The following ANXA8 variants were observed in gnomAD, a reference collection of about 807,000 sequenced individuals.
ANXA8 encodes the protein VAC-beta.
ANXA8 carries 9 observed loss-of-function variants against 26.8 expected under a neutral mutation model. That is an observed-to-expected ratio of 0.34 (90% CI 0.20 to 0.59). The LOEUF (loss-of-function observed/expected upper bound fraction) is 0.59. Ranked by LOEUF, ANXA8 falls within the 20% of genes least tolerant of loss-of-function variation. The pLI, the probability that ANXA8 is intolerant of heterozygous loss-of-function variation, is 0.84. For synonymous variants in ANXA8, 39 were observed against 94.8 expected (o/e 0.41, Z 3.42); for missense variants, 83 against 238.5 (o/e 0.35, Z 4.29).
the ANXA8 span, chr10:47,563,470 A>G: frequency 1.7e-6 from 1 of 575,784 alleles, no homozygotes; most frequent in East Asian, 3.0e-5. Context: ...TTTTGGACAT[A>G]GCTTGGGTAT....
chr10:47,941,361 G>A, the ANXA8 span, among the ~76,000 whole-genome samples: 1 of 146,830 alleles, frequency 6.8e-6, no homozygotes, highest in Non-Finnish European at 1.5e-5. Context: ...CTTTATTAAA[G>A]CTGGCATTTT....
chr10:47,736,515 G>A, the ANXA8 span, among the ~76,000 whole-genome samples: 1 of 129,436 alleles, frequency 7.7e-6, no homozygotes. Context: ...TTCTCAGAAA[G>A]GTTATCCTGA....
At chr10:47,677,356 A>G in the ANXA8 span, among the ~76,000 whole-genome samples, 1 of 152,126 alleles carries the variant, frequency 6.6e-6, no homozygotes, top group Non-Finnish European at 1.5e-5. Context: ...AGAGGGATTA[A>G]CCGCTACGAG....
At chr10:47,619,753 T>A in the ANXA8 span, among the ~76,000 whole-genome samples, 1 of 113,186 alleles carries the variant, frequency 8.8e-6, no homozygotes, top group Non-Finnish European at 2.0e-5. Flanking sequence ...ATTATTAGAG[T>A]GATAAGGAAT....
At chr10:47,901,812 T>C in the ANXA8 span, among the ~76,000 whole-genome samples, 1 of 150,644 alleles carries the variant, frequency 6.6e-6, no homozygotes, top group Non-Finnish European at 1.5e-5. Context: ...ATATATTTAG[T>C]ATTATTATAA....
the ANXA8 span, among the ~76,000 whole-genome samples, chr10:47,712,800 TTTG>T: frequency 5.6e-4 from 1 of 1,792 alleles, no homozygotes; most frequent in South Asian, 0.015. Flanking sequence ...ACTTTTTTTT[TTTG>T]TTTGTTTGAG....
At chr10:47,683,651 A>G in the ANXA8 span, among the ~76,000 whole-genome samples, 4 of 151,982 alleles carry the variant, frequency 2.6e-5, no homozygotes, top group East Asian at 7.7e-4. Context: ...AAAGGATAGT[A>G]TAATGAACCC....
chr10:47,497,888 G>A, the ANXA8 span, among the ~76,000 whole-genome samples: 1,950 of 151,922 alleles, frequency 0.013, 17 homozygotes, highest in Middle Eastern at 0.065. Flanking sequence ...GCAGTGAGCC[G>A]AGACGGCGCC....
chr10:47,682,573 G>A, the ANXA8 span, among the ~76,000 whole-genome samples: 2 of 150,460 alleles, frequency 1.3e-5, no homozygotes, highest in Non-Finnish European at 2.9e-5. Flanking sequence ...GGGTTCAAGC[G>A]ATTCTCCTGC....
the ANXA8 span, among the ~76,000 whole-genome samples, chr10:47,920,249 T>G: frequency 2.9e-5 from 3 of 104,218 alleles, no homozygotes; most frequent in Admixed American, 3.1e-4. Flanking sequence ...TTTTTTTTTT[T>G]TTTTTGAGAC....
chr10:47,947,546 G>A, the ANXA8 span, among the ~76,000 whole-genome samples: 8 of 150,406 alleles, frequency 5.3e-5, no homozygotes, highest in Non-Finnish European at 1.2e-4. Context: ...GAGAGGCCTG[G>A]GGGGAGATGA....
chr10:47,581,859 C>A, the ANXA8 span, among the ~76,000 whole-genome samples: 1 of 150,518 alleles, frequency 6.6e-6, no homozygotes, highest in Admixed American at 6.6e-5. Context: ...CCTGCCTTGG[C>A]CTCCCAAAGT....
chr10:47,755,412 C>T, the ANXA8 span, among the ~76,000 whole-genome samples: 38 of 152,314 alleles, frequency 2.5e-4, no homozygotes, highest in African/African-American at 8.4e-4. Flanking sequence ...CCAGCCACCA[C>T]ACCCAGCTAA....
chr10:47,622,251 C>T, the ANXA8 span, among the ~76,000 whole-genome samples: 5 of 111,766 alleles, frequency 4.5e-5, no homozygotes, highest in African/African-American at 1.8e-4. Flanking sequence ...TGTAGACATG[C>T]TCACAGATGA....
At chr10:47,727,371 A>G in the ANXA8 span, among the ~76,000 whole-genome samples, 6 of 152,242 alleles carry the variant, frequency 3.9e-5, no homozygotes, top group Non-Finnish European at 5.9e-5. Context: ...TTTGTCAGGT[A>G]TTCAAACTCC....
the ANXA8 span, among the ~76,000 whole-genome samples, chr10:47,734,143 C>A: frequency 7.0e-6 from 1 of 142,880 alleles, no homozygotes; most frequent in South Asian, 2.2e-4. Flanking sequence ...ATGAAAACAT[C>A]ATCATTGGCT....
the ANXA8 span, among the ~76,000 whole-genome samples, chr10:47,742,845 C>G: frequency 7.2e-6 from 1 of 139,556 alleles, no homozygotes; most frequent in Non-Finnish European, 1.6e-5. Context: ...TCAATTCTCC[C>G]CTGAATTGAC....
the ANXA8 span, among the ~76,000 whole-genome samples, chr10:47,769,311 C>A: frequency 6.6e-6 from 1 of 150,688 alleles, no homozygotes; most frequent in Non-Finnish European, 1.5e-5. Flanking sequence ...TTCCTTTCCT[C>A]TGCTCATGCT....
chr10:47,683,291 C>T, the ANXA8 span, among the ~76,000 whole-genome samples: 2 of 142,320 alleles, frequency 1.4e-5, no homozygotes, highest in South Asian at 2.2e-4. Context: ...TGCAGTGGCG[C>T]AATCTTGGCT....
Sources: gnomAD v4.1 joint callset for allele counts (sites outside exome capture counted in the v4.1 genomes callset) on GRCh38, gnomAD v4.1.1 for gene constraint, MANE v1.5 for transcripts, NCBI Gene and HGNC (gene_info 2026-07-23, HGNC 2026-07-21) for gene names.